The following NAA38 variants were observed in gnomAD, a reference collection of about 807,000 sequenced individuals.
The protein encoded by NAA38 is N-alpha-acetyltransferase 38, NatC auxiliary subunit.
A neutral mutation model predicts 12.6 loss-of-function variants in NAA38; 15 were observed. The ratio of observed to expected loss-of-function variants is 1.19; its 90% CI spans 0.79 to 1.83. The LOEUF (loss-of-function observed/expected upper bound fraction) is 1.83. NAA38 is among the 40% of genes most tolerant of loss of function. NAA38 has a pLI of 0.00. For synonymous variants in NAA38, 88 were observed against 69.9 expected, an observed-to-expected ratio of 1.26 and a Z score of -1.29; for missense variants, 183 against 171.7, an observed-to-expected ratio of 1.07 and a Z score of -0.37.
In NAA38 at chr17:7,869,741, T is replaced by C. The variant is rs547946786; in HGVS notation, c.-65-3183A>G. ...TCACACCACTGCATTCCAGCCCGGG[T>C]GACAGAGCAAGACTCCGTCTCCAAA... On this transcript the variant is annotated intron_variant, in intron 2 of 4. Coordinates refer to the NAA38 transcript ENST00000576861. Among the ~76,000 whole-genome samples, 328 of 151,718 alleles carry C rather than the reference T, an allele frequency of 2.2e-3. 1 individual carries two copies. The Middle Eastern group carries it at 0.031, about 14-fold the overall frequency.
At chr17:7,873,088 G>A (rs1258458867) in intron 2 of NAA38, among the ~76,000 whole-genome samples, 1 of 152,116 alleles carries the variant, frequency 6.6e-6, no homozygotes, top group Admixed American at 6.6e-5. Context: ...CCATTGACTT[G>A]GTAATATTAG....
At chr17:7,873,135 T>C (rs1402800160) in intron 2 of NAA38, among the ~76,000 whole-genome samples, 9 of 152,106 alleles carry the variant, frequency 5.9e-5, no homozygotes, top group Admixed American at 5.2e-4. Context: ...CCATTTTAGT[T>C]GAAGAAACTG....
chr17:7,884,700 A>G, intron 1 of NAA38: 1 of 211,886 alleles, frequency 4.7e-6, no homozygotes, highest in African/African-American at 4.6e-5. Context: ...GCCGCCGAGG[A>G]GGAGGAGGAG....
chr17:7,859,317 C>T (rs117474084), upstream of NAA38: 2 of 1,341,066 alleles, frequency 1.5e-6, no homozygotes, highest in East Asian at 2.4e-5. Context: ...GCACTTTGAT[C>T]CCAGCGTGTG....
upstream of NAA38, chr17:7,857,951 T>G (rs931813127): frequency 2.6e-5 from 38 of 1,450,308 alleles, no homozygotes; most frequent in Admixed American, 9.2e-4. Flanking sequence ...ACACGTGCAG[T>G]CCAAACCCCG....
At chr17:7,858,750 G>T (rs747039626), upstream of NAA38, 4 of 1,600,918 alleles carry the variant, frequency 2.5e-6, no homozygotes, top group Non-Finnish European at 3.4e-6. Flanking sequence ...GTATTATGAG[G>T]TGGGGCGGCT....
upstream of NAA38, chr17:7,859,316 TC>T: frequency 7.5e-7 from 1 of 1,333,920 alleles, no homozygotes; most frequent in Non-Finnish European, 1.1e-6. Context: ...GGCACTTTGA[TC>T]CCAGCGTGTG....
chr17:7,869,198 C>A (rs1218497082), intron 2 of NAA38, among the ~76,000 whole-genome samples: 1 of 152,112 alleles, frequency 6.6e-6, no homozygotes, highest in African/African-American at 2.4e-5. Flanking sequence ...TCACCACAAC[C>A]CTTTGAGATA....
At chr17:7,871,051 C>T (rs928627510) in intron 2 of NAA38, among the ~76,000 whole-genome samples, 3 of 152,146 alleles carry the variant, frequency 2.0e-5, no homozygotes, top group Non-Finnish European at 4.4e-5. Flanking sequence ...TAAAAAGATG[C>T]CACACCATCA....
upstream of NAA38, chr17:7,858,504 T>C: frequency 1.9e-6 from 3 of 1,614,062 alleles, no homozygotes; most frequent in Non-Finnish European, 2.5e-6. Context: ...AACCTGGGAT[T>C]GTGGGTAGAG....
At chr17:7,878,478 G>C (rs1254850494) in intron 2 of NAA38, among the ~76,000 whole-genome samples, 5 of 152,082 alleles carry the variant, frequency 3.3e-5, no homozygotes, top group Non-Finnish European at 5.9e-5. Context: ...TCTCAGCACT[G>C]TGGGAGGCCG....
intron 2 of NAA38, chr17:7,866,612 T>A: frequency 2.2e-6 from 2 of 902,236 alleles, no homozygotes; most frequent in Non-Finnish European, 2.9e-6. Flanking sequence ...TGTTCCTCTG[T>A]GTGGAACAAT....
At chr17:7,881,105 T>C (rs559675163) in intron 2 of NAA38, among the ~76,000 whole-genome samples, 4 of 152,222 alleles carry the variant, frequency 2.6e-5, no homozygotes, top group Admixed American at 6.5e-5. Context: ...ATGTGTAGAC[T>C]TTTCTCTGGA....
In NAA38 at chr17:7,866,247, C is replaced by T. The variant is rs368926205; in HGVS notation, c.3+244G>A. Among the ~76,000 whole-genome samples, 1,303 of 143,738 alleles carry T rather than the reference C, an allele frequency of 9.1e-3. 27 individuals are homozygous for T. The highest frequency in any genetic ancestry group is 0.028 in the African/African-American group (1,061 of 38,098). The allele number at this position is 143,738 out of a possible 152,430, so 94.3% of individuals were successfully genotyped here. A position where few individuals can be genotyped will look rare whatever the true frequency, so the allele number is the denominator to read the frequency against. Reference sequence around the variant, plus strand: ...GACTACAGATGCCCGCCACCAAGCCCGGCTAATTTTTTTTTTTTTTTTTTT... The same window carrying T: ...GACTACAGATGCCCGCCACCAAGCCTGGCTAATTTTTTTTTTTTTTTTTTT... On this transcript the variant is annotated intron_variant, in intron 3 of 4. Transcript: ENST00000576861.
At chr17:7,871,992 GTTC>G (rs1381493813) in intron 2 of NAA38, among the ~76,000 whole-genome samples, 1 of 152,146 alleles carries the variant, frequency 6.6e-6, no homozygotes, top group Non-Finnish European at 1.5e-5. Flanking sequence ...CCTGTCTGTA[GTTC>G]TTCTTTGGCC....
upstream of NAA38, chr17:7,858,206 G>A (rs1157656202): frequency 3.1e-6 from 5 of 1,613,854 alleles, no homozygotes; most frequent in South Asian, 4.4e-5. Flanking sequence ...CGCCGGCGGA[G>A]GTGGCCCAAC....
chr17:7,859,201 G>A (rs1490145828), upstream of NAA38: 2 of 609,902 alleles, frequency 3.3e-6, no homozygotes, highest in South Asian at 2.0e-5. Context: ...AGAAGTGGCT[G>A]CCATTAAGAT....
chr17:7,885,001 C>G, intron 1 of NAA38: 2 of 1,243,996 alleles, frequency 1.6e-6, no homozygotes. Context: ...GCGACCGCCA[C>G]AGCCCCCCCG....
chr17:7,871,060 C>T (rs771185154), intron 2 of NAA38, among the ~76,000 whole-genome samples: 10 of 152,162 alleles, frequency 6.6e-5, no homozygotes, highest in Non-Finnish European at 1.2e-4. Context: ...GCCACACCAT[C>T]ATATCGAGCT....
Sources: allele counts gnomAD v4.1 joint callset (sites outside exome capture counted in the v4.1 genomes callset), GRCh38; gene constraint gnomAD v4.1.1; transcripts MANE v1.5; gene names NCBI Gene and HGNC (gene_info 2026-07-23, HGNC 2026-07-21).